Variants in PLA2G4B observed in about 807,000 individuals in gnomAD.
PLA2G4B encodes the protein phospholipase A2 group IVB.
A neutral mutation model predicts 95.8 loss-of-function variants in PLA2G4B; 122 were observed. That is an observed-to-expected ratio of 1.27 (90% CI 1.10 to 1.48). PLA2G4B has a LOEUF of 1.48. Among genes scored for constraint, PLA2G4B ranks in the 40% most tolerant of loss-of-function variants. The pLI, the probability that PLA2G4B is intolerant of heterozygous loss-of-function variation, is 0.00. For synonymous variants in PLA2G4B, 518 were observed against 421.5 expected (o/e 1.23, Z -2.80); for missense variants, 1,158 against 996.2 (o/e 1.16, Z -2.19).
rs774320677 is a variant in PLA2G4B, at chr15:41,847,479, A to C, written c.2090A>C (p.His697Pro). ...PTCPGAPAVLHFPLVSDSFRE... is the reference protein window; with the variant it reads ...PTCPGAPAVLPFPLVSDSFRE... ...TGCCCCGGAGCCCCTGCGGTGCTGC[A>C]CTTTCCTCTGGTCAGCGACTCCTTC... The change falls in exon 19 of 20, where the codon CAC becomes CCC. Residue 697 changes from histidine to proline, a missense_variant. Transcript: ENST00000458483. 1 of 1,611,512 alleles carries C rather than the reference A, an allele frequency of 6.2e-7. No homozygotes were observed.
intron 9 of PLA2G4B, 85 bp from the exon 10 acceptor site, chr15:41,842,469 G>A: frequency 6.4e-7 from 1 of 1,564,436 alleles, no homozygotes; most frequent in Non-Finnish European, 8.6e-7. Flanking sequence ...CGGGGCGGGG[G>A]TGGTGCGCCG....
Position 41,846,836 on chromosome 15 carries a change from G to T in PLA2G4B, c.1947+1G>T, listed in dbSNP as rs747381604. ...CTACAACCTCCACGGAGCCTTCCAGGTTGGGAAGGGTGGGCAGCCCACCAG... is the reference window on the plus strand; with the variant it reads ...CTACAACCTCCACGGAGCCTTCCAGTTTGGGAAGGGTGGGCAGCCCACCAG... On this transcript the variant is annotated splice_donor_variant, in intron 18 of 19. Coordinates refer to ENST00000458483, the MANE Select transcript of PLA2G4B (RefSeq NM_001114633.2). LOFTEE classifies it high-confidence loss of function. The T allele has an allele frequency of 2.5e-6, 4 of 1,606,288 alleles. No homozygotes were observed. The South Asian group carries it at 3.3e-5, about 13-fold the overall frequency.
intron 8 of PLA2G4B, 64 bp from the exon 9 acceptor site, chr15:41,842,129 G>A: frequency 6.3e-7 from 1 of 1,599,336 alleles, no homozygotes; most frequent in Non-Finnish European, 8.5e-7. Context: ...CGGGAGTTTG[G>A]TGAGGTCTTT....
rs79798433 is a variant in PLA2G4B at position 41,847,665 on chromosome 15, C to T, written c.2151C>T (p.Pro717=). The part of the protein sequence containing the change: ...EYSAPGVRRT[P]EEAAAGEVNL... ...TCTCCACAGGGGTCCGGCGGACACC[C>T]GAGGAGGCGGCAGCTGGGGAGGTGA... The change falls in exon 20 of 20, where the codon CCC becomes CCT. Residue 717 remains proline, a synonymous_variant. Transcript: ENST00000458483. The T allele has an allele frequency of 3.0e-3, 4,850 of 1,613,626 alleles. 124 individuals carry two copies. The African/African-American group carries it at 0.058, about 19-fold the overall frequency.
In PLA2G4B at chr15:41,847,984, C is replaced by A; in HGVS notation, c.*124C>A. Reference sequence around the variant, plus strand: ...AGGTGGCACGGTCCCAGGGTCCAGGCTGAGGGCTGGGAGCTCCCTTGCGCC... The same window carrying A: ...AGGTGGCACGGTCCCAGGGTCCAGGATGAGGGCTGGGAGCTCCCTTGCGCC... On this transcript the variant is annotated 3_prime_UTR_variant, in exon 20 of 20. Coordinates refer to ENST00000458483, the MANE Select transcript of PLA2G4B (RefSeq NM_001114633.2). 1 of 1,338,492 alleles carries A rather than the reference C, an allele frequency of 7.5e-7. No homozygotes were observed. The highest frequency in any genetic ancestry group is 1.0e-6 in the Non-Finnish European group (1 of 996,136). The allele number at this position is 1,338,492 out of a possible 1,614,324, so 82.9% of individuals were successfully genotyped here. A position where few individuals can be genotyped will look rare whatever the true frequency, so the allele number is the denominator to read the frequency against.
At position 41,842,215 on chromosome 15, in the gene PLA2G4B, A is replaced by G; in HGVS notation, c.644A>G (p.Lys215Arg). Reference sequence around the variant, plus strand: ...CAGGATGCCCCCGAGGAGCAACTAAAGGCGCCACTGAGTGCCCTGCCCTCT... The same window carrying G: ...CAGGATGCCCCCGAGGAGCAACTAAGGGCGCCACTGAGTGCCCTGCCCTCT... ...RLQDAPEEQLKAPLSALPSGQ... is the reference protein window; with the variant it reads ...RLQDAPEEQLRAPLSALPSGQ... The change falls in exon 9 of 20, where the codon AAG (lysine) becomes AGG (arginine). Residue 215 changes from lysine to arginine, a missense_variant. Physicochemically the swap from Lys to Arg is conservative, Grantham distance 26. Transcript: ENST00000458483. 1.2e-6 allele frequency: 2 copies of G among 1,614,028 alleles called. No homozygotes were observed. Among genetic ancestry groups the G allele is most frequent in the Non-Finnish European group, 1.7e-6 (2 of 1,179,986 alleles).
chr15:41,841,470 G>C (rs1263546569), intron 6 of PLA2G4B, 47 bp from the exon 7 acceptor site: 1 of 1,613,728 alleles, frequency 6.2e-7, no homozygotes, highest in African/African-American at 1.3e-5. Context: ...TGGGGTCCCT[G>C]AATGGGGGGT....
In PLA2G4B at chr15:41,845,340, AGACCTGTGCCCTT is replaced by A; in HGVS notation, c.1357+22_1357+34del. On this transcript the variant is annotated intron_variant, in intron 14 of 19. Transcript: ENST00000458483. ...TTGGGGGTGAGTGGCCCAAGAGCTG[AGACCTGTGCCCTT>A]GCAGTTGGTGGAATAAGGGGAGAAC... is the stretch of plus-strand genomic sequence containing the variant. 2 of 1,610,864 alleles carry A rather than the reference AGACCTGTGCCCTT, an allele frequency of 1.2e-6. No individual in the cohort carries two copies. Among genetic ancestry groups the A allele is most frequent in the Non-Finnish European group, 1.7e-6 (2 of 1,177,694 alleles).
chr15:41,842,645 G>C, intron 10 of PLA2G4B, 54 bp downstream of exon 10: 1 of 1,595,320 alleles, frequency 6.3e-7, no homozygotes, highest in Non-Finnish European at 8.5e-7. Context: ...CCAGGGTGCG[G>C]GGCTGGAGGA....
chr15:41,846,371 C>T lies in PLA2G4B; in HGVS notation c.1769C>T (p.Ser590Phe). 1.2e-6 allele frequency: 2 copies of T among 1,605,638 alleles called. No homozygotes were observed. The highest frequency in any genetic ancestry group is 1.1e-5 in the South Asian group (1 of 90,920). The change falls in exon 17 of 20, where the codon TCC (serine) becomes TTC (phenylalanine). Residue 590 changes from serine to phenylalanine, a missense_variant. Transcript: ENST00000458483. Reference protein sequence around the residue: ...HKDYFQHPHFSTWKATTLDGL... With the variant: ...HKDYFQHPHFFTWKATTLDGL... ...GACTACTTTCAGCATCCTCACTTCTCCACATGGAAAGGTACCTGCTTCTCT... is the reference window on the plus strand; with the variant it reads ...GACTACTTTCAGCATCCTCACTTCTTCACATGGAAAGGTACCTGCTTCTCT...
intron 2 of PLA2G4B, 126 bp downstream of exon 2, chr15:41,840,356 TGA>T: frequency 6.4e-7 from 1 of 1,569,970 alleles, no homozygotes; most frequent in Non-Finnish European, 8.6e-7. Flanking sequence ...AGGAGGGAGC[TGA>T]GAGGAGCTTC....
chr15:41,840,998 C>T, intron 4 of PLA2G4B, 57 bp from the exon 5 acceptor site: 1 of 1,572,836 alleles, frequency 6.4e-7, no homozygotes, highest in Non-Finnish European at 8.7e-7. Flanking sequence ...CTCATACTCA[C>T]TGACATATGT....
chr15:41,846,709 GGA>G lies in PLA2G4B; in HGVS notation c.1823_1824del (p.Glu608AlafsTer191). The G allele has an allele frequency of 6.2e-7, 1 of 1,613,646 alleles. No individual in the cohort carries two copies. The highest frequency in any genetic ancestry group is 1.1e-5 in the South Asian group (1 of 91,038). ...GGCTCCCCAACCAGCTGACACCCTC[GGA>G]GCCCCACCTGTGCCTGCTGGATGTT... ...DGLPNQLTPSEPHLCLLDVGY... is the reference protein window; with the variant it reads ...DGLPNQLTPSXPHLCLLDVGY... On this transcript the variant is annotated frameshift_variant, in exon 18 of 20. Coordinates refer to ENST00000458483, the MANE Select transcript of PLA2G4B (RefSeq NM_001114633.2). LOFTEE classifies it high-confidence loss of function.
chr15:41,843,761 G>T lies in PLA2G4B; in HGVS notation c.829G>T (p.Ala277Ser), dbSNP rs114530989. The stretch of plus-strand genomic sequence containing the variant: ...GAGCAGGAGGAAGCAGGTGGTGGCC[G>T]CGGCCTTGAGGCAGGCCCTGCAGCT... ...FLSRRKQVVA[A>S]ALRQALQLDG... Residue 277 changes from alanine to serine, a missense_variant, in exon 11 of 20, where the codon GCG becomes TCG. By Grantham distance (99) the Ala-to-Ser change is moderately conservative (BLOSUM62 1). Coordinates refer to ENST00000458483, the MANE Select transcript of PLA2G4B (RefSeq NM_001114633.2). 2.5e-6 allele frequency: 4 copies of T among 1,613,870 alleles called. No individual in the cohort carries two copies. The highest frequency in any genetic ancestry group is 3.4e-6 in the Non-Finnish European group (4 of 1,179,816).
chr15:41,840,069 C>T, intron 1 of PLA2G4B, 89 bp from the exon 2 acceptor site: 2 of 1,461,082 alleles, frequency 1.4e-6, no homozygotes, highest in Admixed American at 2.0e-5. Flanking sequence ...AGGATTAGGC[C>T]TTGAGGCACT....
At chr15:41,842,038 G>C in intron 8 of PLA2G4B, 89 bp downstream of exon 8, 2 of 1,558,456 alleles carry the variant, frequency 1.3e-6, no homozygotes, top group Middle Eastern at 3.5e-4. Flanking sequence ...GCTCCACCTG[G>C]CAGAGTGGGC....
Position 41,838,932 on chromosome 15 carries a change from G to C in PLA2G4B, c.9+10G>C. On this transcript the variant is annotated intron_variant, in intron 1 of 19. Transcript: ENST00000458483. ...CAGTCTCATGGCTGTGGTAAGGCCT[G>C]GCAGGGCCCTGGGTCCCTACTGGGA... is the stretch of plus-strand genomic sequence containing the variant. 6.3e-7 allele frequency: 1 copy of C among 1,590,212 alleles called. No individual in the cohort carries two copies.
rs368772765 is a variant in PLA2G4B, at chr15:41,847,571, C to T, written c.2134+48C>T. The T allele has an allele frequency of 4.4e-6, 7 of 1,605,886 alleles. No individual in the cohort carries two copies. The Admixed American group carries it at 8.4e-5, about 19-fold the overall frequency. On this transcript the variant is annotated intron_variant, in intron 19 of 19. Coordinates refer to ENST00000458483, the MANE Select transcript of PLA2G4B (RefSeq NM_001114633.2). ...ATCCTGCTGCCCCAGTCCCCCACAC[C>T]TCCTCCGTCCCCTGTGCCTCTCCAA...
rs776941260 is a variant in PLA2G4B at position 41,840,233 on chromosome 15, G to A, written c.82+3G>A. ...TCGCCTACCCTCTAAGGACCTAGGT[G>A]AGTGCGCACCGCCCTGGCCCCTGTG... On this transcript the variant is annotated splice_donor_region_variant and intron_variant, in intron 2 of 19. Coordinates refer to ENST00000458483, the MANE Select transcript of PLA2G4B (RefSeq NM_001114633.2). The A allele has an allele frequency of 4.3e-6, 7 of 1,612,836 alleles. No individual in the cohort carries two copies. In the South Asian group the frequency reaches 7.7e-5, roughly 18 times the overall value.
Sources: gnomAD v4.1 joint callset for allele counts on GRCh38, gnomAD v4.1.1 for gene constraint, MANE v1.5 for transcripts, NCBI Gene and HGNC (gene_info 2026-07-23, HGNC 2026-07-21) for gene names.